The following SLC30A3 variants were observed in gnomAD, a reference collection of about 807,000 sequenced individuals.
The protein encoded by SLC30A3 is solute carrier family 30 member 3, also known as probable proton-coupled zinc antiporter SLC30A3.
SLC30A3 carries 20 observed loss-of-function variants against 35.6 expected under a neutral mutation model. The ratio of observed to expected loss-of-function variants is 0.56; its 90% confidence interval spans 0.39 to 0.82. The LOEUF (loss-of-function observed/expected upper bound fraction) is 0.82, where lower values mean the gene tolerates loss of function less well. Among genes scored for constraint, SLC30A3 ranks in the 40% least tolerant of loss-of-function variants. The pLI is 0.00. For missense variants in SLC30A3, 401 were observed against 530.6 expected (o/e 0.76, Z 2.40); for synonymous variants, 217 against 224.7 (o/e 0.97, Z 0.31).
upstream of SLC30A3, among the ~76,000 whole-genome samples, chr2:27,266,363 C>T (rs185882180): frequency 6.6e-6 from 1 of 152,262 alleles, no homozygotes. Flanking sequence ...TTTTCAGTCC[C>T]CTTTGCTGGT....
upstream of SLC30A3, chr2:27,264,067 C>T (rs1056593711): frequency 1.0e-5 from 13 of 1,288,744 alleles, 1 homozygote; most frequent in South Asian, 1.2e-4. This position sits in a 1 kb window ranked among gnomAD's most constrained non-coding sequence, Gnocchi z 6.1. Flanking sequence ...GTTCTCTCCC[C>T]TCGCACCTGC....
At position 27,255,532 on chromosome 2, in the gene SLC30A3, G is replaced by C. The variant is rs1288726047; in HGVS notation, c.1019-72C>G. ...ACAGGCAGGGACTGAGATAAGGACA[G>C]GGAAAGGGGCTGCACAGCATTAAAG... On this transcript the variant is annotated intron_variant, in intron 7 of 7. Coordinates refer to ENST00000233535, the MANE Select transcript of SLC30A3 (RefSeq NM_003459.5). This position sits in a 1 kb window ranked among gnomAD's most constrained non-coding sequence, Gnocchi z 5.2. The C allele has an allele frequency of 1.3e-6, 2 of 1,540,948 alleles. No individual in the cohort carries two copies. Among genetic ancestry groups the C allele is most frequent in the Admixed American group, 3.8e-5 (2 of 52,680 alleles).
In SLC30A3 at chr2:27,262,952, G is replaced by A. The variant is rs752828291; in HGVS notation, c.-46C>T. On this transcript the variant is annotated 5_prime_UTR_variant, in exon 1 of 8. Transcript: ENST00000233535. This position sits in a 1 kb window ranked among gnomAD's most constrained non-coding sequence, Gnocchi z 7.5. ...CTAGGCCCCACCGAGGAAGAGAGAG[G>A]CCGGGCCGGCCCCGCGCCAAGTCCG... 98 of 1,476,640 alleles carry A rather than the reference G, an allele frequency of 6.6e-5. 1 individual carries two copies. The South Asian group carries it at 1.3e-3, about 20-fold the overall frequency. 91.5% of individuals were successfully genotyped at this position (1,476,640 alleles called of 1,614,324 possible). A position where few individuals can be genotyped will look rare whatever the true frequency, so the allele number is the denominator to read the frequency against.
Position 27,260,554 on chromosome 2 carries a change from A to C in SLC30A3, c.96-1620T>G, listed in dbSNP as rs200027859. ...GACAGAATTTTCCACAGAATTCAGG[A>C]CCTGAATAGAAAATACAGTACTAGA... On this transcript the variant is annotated intron_variant, in intron 1 of 7. Coordinates refer to ENST00000233535, the MANE Select transcript of SLC30A3 (RefSeq NM_003459.5). Among the ~76,000 whole-genome samples, 3 of 152,184 alleles carry C rather than the reference A, an allele frequency of 2.0e-5. No homozygotes were observed. The East Asian group carries it at 5.8e-4, about 29-fold the overall frequency.
In SLC30A3 at chr2:27,258,641, C is replaced by T; in HGVS notation, c.277+112G>A. The T allele has an allele frequency of 8.2e-7, 1 of 1,212,172 alleles. No individual in the cohort carries two copies. Among genetic ancestry groups the T allele is most frequent in the Non-Finnish European group, 1.2e-6 (1 of 843,058 alleles). 75.1% of individuals were successfully genotyped at this position (1,212,172 alleles called of 1,614,324 possible). A position where few individuals can be genotyped will look rare whatever the true frequency, so the allele number is the denominator to read the frequency against. ...TCCTGGGCACCCAGCTCCCCTATCC[C>T]AGCCATCCCCATCTCTGCATCTGCA... On this transcript the variant is annotated intron_variant, in intron 2 of 7. Coordinates refer to ENST00000233535, the MANE Select transcript of SLC30A3 (RefSeq NM_003459.5). The surrounding 1 kb of genome is among the most constrained non-coding windows in gnomAD (Gnocchi z 4.0).
Position 27,257,098 on chromosome 2 carries a change from T to C in SLC30A3, c.777+56A>G. On this transcript the variant is annotated intron_variant, in intron 5 of 7. Transcript: ENST00000233535. The surrounding 1 kb of genome is among the most constrained non-coding windows in gnomAD (Gnocchi z 4.7). ...GGAAGCTTTGGGACCTGGGAAGGAGTGGGCTGGGATGTGGTTGTGGGGAGG... is the reference window on the plus strand; with the variant it reads ...GGAAGCTTTGGGACCTGGGAAGGAGCGGGCTGGGATGTGGTTGTGGGGAGG... 1 of 1,540,966 alleles carries C rather than the reference T, an allele frequency of 6.5e-7. No individual in the cohort carries two copies.
Position 27,255,342 on chromosome 2 carries a change from G to T in SLC30A3, c.1137C>A (p.Cys379Ter), listed in dbSNP as rs1264004641. 1 of 1,614,170 alleles carries T rather than the reference G, an allele frequency of 6.2e-7. No homozygotes were observed. Among genetic ancestry groups the T allele is most frequent in the East Asian group, 2.2e-5 (1 of 44,882 alleles). ...VEQYQPEMAQ[C>*]LRCQEPPQA is the part of the protein sequence containing the mutation. ...CTTGGGGGGGTTCCTGGCAGCGCAG[G>T]CACTGGGCCATCTCCGGCTGATACT... Residue 379 changes from cysteine (C) to a stop codon, truncating the protein, a stop_gained, in exon 8 of 8, where the codon TGC becomes TGA. Transcript: ENST00000233535. LOFTEE classifies it high-confidence loss of function. This position sits in a 1 kb window ranked among gnomAD's most constrained non-coding sequence, Gnocchi z 5.2.
Position 27,255,530 on chromosome 2 carries a change from C to A in SLC30A3, c.1019-70G>T. 1 of 1,548,570 alleles carries A rather than the reference C, an allele frequency of 6.5e-7. No homozygotes were observed. On this transcript the variant is annotated intron_variant, in intron 7 of 7. Coordinates refer to ENST00000233535, the MANE Select transcript of SLC30A3 (RefSeq NM_003459.5). The surrounding 1 kb of genome is among the most constrained non-coding windows in gnomAD (Gnocchi z 5.2). ...GAACAGGCAGGGACTGAGATAAGGA[C>A]AGGGAAAGGGGCTGCACAGCATTAA...
upstream of SLC30A3, chr2:27,263,994 G>T: frequency 7.8e-7 from 1 of 1,275,884 alleles, no homozygotes; most frequent in Non-Finnish European, 1.0e-6. Flanking sequence ...AAAACCCAGG[G>T]GAGGGAGCGA....
chr2:27,260,321 G>C (rs1410495051), intron 1 of SLC30A3, among the ~76,000 whole-genome samples: 1 of 152,186 alleles, frequency 6.6e-6, no homozygotes, highest in African/African-American at 2.4e-5. Flanking sequence ...ATGGCAGTGG[G>C]AGGAGCATGT....
At chr2:27,268,249 G>C (rs1456071738) in intron 1 of SLC30A3, among the ~76,000 whole-genome samples, 2 of 152,090 alleles carry the variant, frequency 1.3e-5, no homozygotes, top group Non-Finnish European at 2.9e-5. Context: ...CCCATATTAG[G>C]CTCTAATCTA....
upstream of SLC30A3, among the ~76,000 whole-genome samples, chr2:27,263,760 T>C (rs1160971068): frequency 6.8e-6 from 1 of 146,388 alleles, no homozygotes; most frequent in Non-Finnish European, 1.5e-5. Flanking sequence ...CCCATCCTCT[T>C]TCCCTCCCCG....
intron 1 of SLC30A3, among the ~76,000 whole-genome samples, chr2:27,274,590 C>T (rs1677909424): frequency 6.6e-6 from 1 of 151,996 alleles, no homozygotes; most frequent in African/African-American, 2.4e-5. Flanking sequence ...TAGAGGCATG[C>T]TCCCATGCCA....
Position 27,271,259 on chromosome 2 carries a change from T to C in SLC30A3, c.-159+3918A>G, listed in dbSNP as rs1677715885. Among the ~76,000 whole-genome samples, 1 of 152,090 alleles carries C rather than the reference T, an allele frequency of 6.6e-6. No individual in the cohort carries two copies. The highest frequency in any genetic ancestry group is 2.4e-5 in the African/African-American group (1 of 41,434). ...TAAATATGCCAATGTCTGCTGTCTG[T>C]ATGTGTGTGTATTCCAGCTATATGA... On this transcript the variant is annotated intron_variant, in intron 1 of 5. Coordinates refer to the SLC30A3 transcript ENST00000424577. This position sits in a 1 kb window ranked among gnomAD's most constrained non-coding sequence, Gnocchi z 4.3.
chr2:27,257,893 A>G lies in SLC30A3; in HGVS notation c.578+12T>C, dbSNP rs757689152. 1 of 1,611,846 alleles carries G rather than the reference A, an allele frequency of 6.2e-7. No homozygotes were observed. The highest frequency in any genetic ancestry group is 2.2e-5 in the East Asian group (1 of 44,798). Reference sequence around the variant, plus strand: ...GGGCCCCACAAGGTGCCTGCTCCATACTGGGACGTACAACAGGTTGGCACA... The same window carrying G: ...GGGCCCCACAAGGTGCCTGCTCCATGCTGGGACGTACAACAGGTTGGCACA... On this transcript the variant is annotated intron_variant, in intron 4 of 7. Coordinates refer to ENST00000233535, the MANE Select transcript of SLC30A3 (RefSeq NM_003459.5). This position sits in a 1 kb window ranked among gnomAD's most constrained non-coding sequence, Gnocchi z 4.7.
chr2:27,275,460 C>T (rs1279828095), upstream of SLC30A3: 1 of 346,480 alleles, frequency 2.9e-6, no homozygotes, highest in Non-Finnish European at 5.7e-6. Flanking sequence ...CGACGCTGCG[C>T]ACAAGCGCAG....
In SLC30A3 at chr2:27,258,311, C is replaced by A; in HGVS notation, c.278-4G>T. ...AGGCTGTGTGCCAGATACCCGCCTGCCAGGGTGAAATGATGGAGTCTGCTT... is the reference window on the plus strand; with the variant it reads ...AGGCTGTGTGCCAGATACCCGCCTGACAGGGTGAAATGATGGAGTCTGCTT... On this transcript the variant is annotated splice_region_variant and splice_polypyrimidine_tract_variant and intron_variant, in intron 2 of 7. Coordinates refer to ENST00000233535, the MANE Select transcript of SLC30A3 (RefSeq NM_003459.5). This position sits in a 1 kb window ranked among gnomAD's most constrained non-coding sequence, Gnocchi z 4.0. 2 of 1,514,390 alleles carry A rather than the reference C, an allele frequency of 1.3e-6. No individual in the cohort carries two copies. Among genetic ancestry groups the A allele is most frequent in the South Asian group, 1.3e-5 (1 of 75,086 alleles). 93.8% of individuals were successfully genotyped at this position (1,514,390 alleles called of 1,614,324 possible).
At chr2:27,256,721 G>T (rs1050195342) in intron 6 of SLC30A3, 67 bp downstream of exon 6, 6 of 1,330,938 alleles carry the variant, frequency 4.5e-6, no homozygotes, top group East Asian at 2.3e-5. Flanking sequence ...AGAAAAAAGT[G>T]ATGGCCCACT....
At chr2:27,266,705 G>A (rs1384311684), upstream of SLC30A3, among the ~76,000 whole-genome samples, 2 of 152,114 alleles carry the variant, frequency 1.3e-5, no homozygotes, top group African/African-American at 4.8e-5. Context: ...AGACCATCCT[G>A]GCCAACATGG....
Sources: gnomAD v4.1 joint callset for allele counts (sites outside exome capture counted in the v4.1 genomes callset) on GRCh38, gnomAD v4.1.1 for gene constraint, Gnocchi (gnomAD v3.1) non-coding constraint, MANE v1.5 for transcripts, NCBI Gene and HGNC (gene_info 2026-07-23, HGNC 2026-07-21) for gene names.